The following TNK2 variants were observed in gnomAD, a reference collection of about 807,000 sequenced individuals.
TNK2 encodes activated CDC42 kinase 1.
Under a neutral mutation model 101.8 loss-of-function variants are expected in TNK2, and 83 were observed. The observed-to-expected ratio is 0.82, with a 90% CI of 0.68 to 0.98. TNK2 has a LOEUF of 0.98. Ranked by LOEUF, TNK2 falls within the 50% of genes least tolerant of loss-of-function variation. The pLI is 0.00. For synonymous variants in TNK2, 804 were observed against 633.0 expected, an observed-to-expected ratio of 1.27 and a Z score of -4.06; for missense variants, 1,665 against 1,483.2, an observed-to-expected ratio of 1.12 and a Z score of -2.01.
intron 15 of TNK2, 81 bp downstream of exon 15, chr3:195,866,808 G>A: frequency 6.5e-7 from 1 of 1,543,404 alleles, no homozygotes; most frequent in Non-Finnish European, 8.8e-7. Flanking sequence ...CCTGCGAGGT[G>A]TTGGGCTTCC....
intron 6 of TNK2, 61 bp downstream of exon 6, chr3:195,881,990 C>T: frequency 2.6e-6 from 4 of 1,558,494 alleles, no homozygotes; most frequent in Non-Finnish European, 3.5e-6. Context: ...CCAGAAAGCC[C>T]CAGAAGCTTT....
At chr3:195,865,865 G>A (rs561209928) in intron 15 of TNK2, among the ~76,000 whole-genome samples, 4 of 151,652 alleles carry the variant, frequency 2.6e-5, no homozygotes, top group South Asian at 4.2e-4. Context: ...CCCATCCATC[G>A]CGCCAGTCCC....
intron 1 of TNK2, among the ~76,000 whole-genome samples, chr3:195,897,281 G>A (rs1257462371): frequency 6.6e-6 from 1 of 152,214 alleles, no homozygotes; most frequent in Non-Finnish European, 1.5e-5. Context: ...GGCTGGGCCT[G>A]ACATCACACT....
chr3:195,870,492 C>T (rs769514806), intron 10 of TNK2: 134 of 1,031,324 alleles, frequency 1.3e-4, no homozygotes, highest in Admixed American at 1.9e-4. Flanking sequence ...CCCCCAGGCC[C>T]CCAGCCCACA....
In TNK2 at chr3:195,877,675, G is replaced by T. The variant is rs1001742941; in HGVS notation, c.1256+578C>A. ...GGGCCTCAGGGCAGGCGCTAGAACT[G>T]CGGGGGCTCAGGTGGAAGACAGGGA... On this transcript the variant is annotated intron_variant, in intron 9 of 15. Transcript: ENST00000672887. Among the ~76,000 whole-genome samples the T allele has an allele frequency of 5.3e-5, 8 of 152,308 alleles. No homozygotes were observed. The East Asian group carries it at 5.8e-4, about 11-fold the overall frequency.
intron 2 of TNK2, among the ~76,000 whole-genome samples, chr3:195,887,898 GCGTGTGTGCACGTGCA>G (rs1560528446): frequency 0.011 from 1,370 of 129,464 alleles, 21 homozygotes; most frequent in African/African-American, 0.054. Context: ...GCACGTGCAT[GCGTGTGTGCACGTGCA>G]TGCGTGCGTG....
At chr3:195,871,961 CCCTCCCCT>C (rs1745678146) in intron 10 of TNK2, among the ~76,000 whole-genome samples, 6 of 124,870 alleles carry the variant, frequency 4.8e-5, no homozygotes, top group African/African-American at 1.7e-4. Context: ...CCCTGGAGAA[CCCTCCCCT>C]GGAGAACCCT....
At chr3:195,893,368 C>T (rs368441411) in intron 1 of TNK2, among the ~76,000 whole-genome samples, 83 of 152,060 alleles carry the variant, frequency 5.5e-4, no homozygotes, top group African/African-American at 2.0e-3. Flanking sequence ...GTGGCCCTGT[C>T]TGCTGCCCAA....
intron 1 of TNK2, among the ~76,000 whole-genome samples, chr3:195,894,154 G>A (rs779893858): frequency 3.3e-5 from 5 of 151,064 alleles, no homozygotes; most frequent in Non-Finnish European, 7.4e-5. Context: ...CTGGCACCAA[G>A]CACACCTGGA....
At chr3:195,908,178 AG>A (rs1370344135) in intron 1 of TNK2, 3 of 155,050 alleles carry the variant, frequency 1.9e-5, no homozygotes, top group Non-Finnish European at 4.3e-5. Context: ...GGGCAGGTGG[AG>A]GGGGGACCGT....
In TNK2 at chr3:195,878,795, G is replaced by A. The variant is rs1311883258; in HGVS notation, c.1015-203C>T. 6.6e-6 allele frequency among the ~76,000 whole-genome samples: 1 copy of A among 152,212 alleles called. No individual in the cohort carries two copies. Among genetic ancestry groups the A allele is most frequent in the Non-Finnish European group, 1.5e-5 (1 of 68,024 alleles). On this transcript the variant is annotated intron_variant, in intron 7 of 15. Transcript: ENST00000672887. The surrounding 1 kb of genome is among the most constrained non-coding windows in gnomAD (Gnocchi z 4.7). ...TGGAGCCTCGGAACAAGTGGATGTG[G>A]CAAGGGCTAGAGAAGGAGGGCAGGC...
intron 4 of TNK2, 187 bp from the exon 5 acceptor site, chr3:195,883,496 GGCTGGCC>G: frequency 1.6e-6 from 1 of 644,372 alleles, no homozygotes; most frequent in South Asian, 2.0e-5. Flanking sequence ...AAGGGCAGAC[GGCTGGCC>G]CTCAGGAGCC....
At chr3:195,892,611 G>C (rs1048748992) in intron 1 of TNK2, 2 of 1,452,940 alleles carry the variant, frequency 1.4e-6, no homozygotes, top group Non-Finnish European at 1.8e-6. Context: ...AGGAAGAACG[G>C]GGTGGGCCCC....
At chr3:195,875,865 C>A (rs556098008) in intron 9 of TNK2, among the ~76,000 whole-genome samples, 1 of 152,200 alleles carries the variant, frequency 6.6e-6, no homozygotes, top group Non-Finnish European at 1.5e-5. Context: ...AAACAGAGGC[C>A]GGTGCTGAGA....
intron 11 of TNK2, 120 bp downstream of exon 11, chr3:195,869,994 G>T: frequency 1.3e-6 from 1 of 780,664 alleles, no homozygotes; most frequent in Non-Finnish European, 2.0e-6. Flanking sequence ...TGTCCCGCCT[G>T]CTGCCCTGAC....
At chr3:195,898,963 G>C (rs1760932827) in intron 1 of TNK2, among the ~76,000 whole-genome samples, 1 of 152,142 alleles carries the variant, frequency 6.6e-6, no homozygotes, top group East Asian at 1.9e-4. Flanking sequence ...GGGCGTGGTG[G>C]CGGGCACCTG....
chr3:195,877,096 T>A (rs1341210292), intron 9 of TNK2, among the ~76,000 whole-genome samples: 1 of 152,042 alleles, frequency 6.6e-6, no homozygotes, highest in African/African-American at 2.4e-5. Context: ...ATCTTCCTAT[T>A]TCCAGAATGC....
Position 195,878,434 on chromosome 3 carries a change from C to G in TNK2, c.1161+12G>C. The G allele has an allele frequency of 6.2e-7, 1 of 1,613,942 alleles. No homozygotes were observed. The highest frequency in any genetic ancestry group is 8.5e-7 in the Non-Finnish European group (1 of 1,179,948). On this transcript the variant is annotated intron_variant, in intron 8 of 15. Coordinates refer to ENST00000672887, the MANE Select transcript of TNK2 (RefSeq NM_001382273.1). The surrounding 1 kb of genome is among the most constrained non-coding windows in gnomAD (Gnocchi z 4.7). ...GAACACCCCAGCTCTCCTGGGCTGA[C>G]CTGTCCCTCACCTCCAGCAGGAAGT...
rs1753623174 is a variant in TNK2, at chr3:195,882,501, C to T, written c.610-173G>A. On this transcript the variant is annotated intron_variant, in intron 5 of 15. Transcript: ENST00000672887. The surrounding 1 kb of genome is among the most constrained non-coding windows in gnomAD (Gnocchi z 4.2). ...AGTCCTGCAGTTTCTCAGGCCTCTC[C>T]CTCGAGGCAATTTGGGAAACTGATG... 3.9e-6 allele frequency: 6 copies of T among 1,538,492 alleles called. No individual in the cohort carries two copies. The highest frequency in any genetic ancestry group is 4.4e-6 in the Non-Finnish European group (5 of 1,146,564).
Sources: allele counts gnomAD v4.1 joint callset (sites outside exome capture counted in the v4.1 genomes callset), GRCh38; gene constraint gnomAD v4.1.1; non-coding constraint Gnocchi (gnomAD v3.1); transcripts MANE v1.5; gene names NCBI Gene and HGNC (gene_info 2026-07-23, HGNC 2026-07-21).